Variants in CNTNAP2 observed in about 807,000 individuals in gnomAD.
CNTNAP2 encodes contactin associated protein 2, also known as contactin-associated protein-like 2.
In CNTNAP2, 98 loss-of-function variants were observed where a neutral mutation model predicts 155.2. The ratio of observed to expected loss-of-function variants is 0.63; its 90% CI spans 0.54 to 0.75. CNTNAP2 has a LOEUF of 0.75. Ranked by LOEUF, CNTNAP2 falls within the 30% of genes least tolerant of loss-of-function variation. The probability of loss-of-function intolerance (pLI) is 0.00; values close to 1 mark genes in which losing one functional copy is unlikely to be tolerated. For missense variants in CNTNAP2, 1,727 were observed against 1,688.1 expected, an observed-to-expected ratio of 1.02 and a Z score of -0.40; for synonymous variants, 651 against 631.2, an observed-to-expected ratio of 1.03 and a Z score of -0.47.
intron 1 of CNTNAP2, among the ~76,000 whole-genome samples, chr7:146,383,561 TAG>T (rs1795420465): frequency 6.6e-6 from 1 of 152,218 alleles, no homozygotes; most frequent in African/African-American, 2.4e-5. Flanking sequence ...TAATTTAATA[TAG>T]ATTCACTTTT....
chr7:146,227,875 G>A (rs1267460729), intron 1 of CNTNAP2, among the ~76,000 whole-genome samples: 2 of 152,156 alleles, frequency 1.3e-5, no homozygotes, highest in African/African-American at 2.4e-5. Flanking sequence ...TGAAGGAGAG[G>A]TTGGCTGTGG....
intron 15 of CNTNAP2, among the ~76,000 whole-genome samples, chr7:148,030,745 T>C (rs1802462658): frequency 6.6e-6 from 1 of 151,734 alleles, no homozygotes; most frequent in African/African-American, 2.4e-5. Flanking sequence ...TATTTTCATT[T>C]AGATGAAGTT....
chr7:148,058,092 A>C (rs1394907700), intron 15 of CNTNAP2, among the ~76,000 whole-genome samples: 3 of 152,044 alleles, frequency 2.0e-5, no homozygotes, highest in East Asian at 3.9e-4. Flanking sequence ...TACTTAAAAC[A>C]AAAACTAGCT....
intron 14 of CNTNAP2, among the ~76,000 whole-genome samples, chr7:147,916,570 A>C (rs1239045470): frequency 3.6e-5 from 5 of 140,198 alleles, no homozygotes; most frequent in Non-Finnish European, 7.6e-5. Flanking sequence ...CAGAACTAAG[A>C]TTCAAAAGAG....
chr7:147,138,818 A>C (rs1249496633), intron 8 of CNTNAP2, among the ~76,000 whole-genome samples: 3 of 152,036 alleles, frequency 2.0e-5, no homozygotes, highest in Non-Finnish European at 4.4e-5. Flanking sequence ...GATGAATAAA[A>C]CATGTTGTGT....
intron 3 of CNTNAP2, among the ~76,000 whole-genome samples, chr7:146,987,769 G>A (rs1054691990): frequency 3.9e-5 from 6 of 152,114 alleles, no homozygotes; most frequent in Admixed American, 6.5e-5. Flanking sequence ...CAAGTGGAAA[G>A]TTACTTAACA....
intron 21 of CNTNAP2, among the ~76,000 whole-genome samples, chr7:148,269,285 TG>T (rs1271590736): frequency 4.6e-5 from 7 of 152,270 alleles, no homozygotes; most frequent in African/African-American, 1.7e-4. Context: ...AAATAGCTTC[TG>T]CTTAATCCTT....
chr7:146,352,990 G>A (rs776704014), intron 1 of CNTNAP2, among the ~76,000 whole-genome samples: 48 of 151,978 alleles, frequency 3.2e-4, no homozygotes, highest in Non-Finnish European at 4.6e-4. Flanking sequence ...TCCTGACCTC[G>A]TGATCTGCCC....
chr7:148,271,816 A>C (rs766998970), intron 21 of CNTNAP2, among the ~76,000 whole-genome samples: 3 of 152,162 alleles, frequency 2.0e-5, no homozygotes, highest in Non-Finnish European at 4.4e-5. Context: ...ACCCATTTGC[A>C]TTCCCCAGTT....
At chr7:146,629,264 C>G (rs538008673) in intron 1 of CNTNAP2, among the ~76,000 whole-genome samples, 14 of 152,222 alleles carry the variant, frequency 9.2e-5, no homozygotes, top group African/African-American at 2.9e-4. Context: ...CATAGAATTA[C>G]ATACTATTTA....
chr7:147,821,983 G>A lies in CNTNAP2; in HGVS notation c.2099-81582G>A, dbSNP rs1170850978. On this transcript the variant is annotated intron_variant, in intron 13 of 23. Transcript: ENST00000361727. ...TGGCAGTGAGAAAGGAAGAAAATCA[G>A]AAGTTACATCACATAAGCCAAGAAA... Among the ~76,000 whole-genome samples, 2 of 152,200 alleles carry A rather than the reference G, an allele frequency of 1.3e-5. 1 individual carries two copies. The highest frequency in any genetic ancestry group is 4.1e-4 in the South Asian group (2 of 4,824).
At chr7:146,163,962 C>T (rs1242438878) in intron 1 of CNTNAP2, among the ~76,000 whole-genome samples, 2 of 152,096 alleles carry the variant, frequency 1.3e-5, no homozygotes, top group African/African-American at 2.4e-5. Flanking sequence ...TTTACCCCAG[C>T]CTGTGACAAG....
intron 21 of CNTNAP2, among the ~76,000 whole-genome samples, chr7:148,317,705 T>G (rs1797714972): frequency 6.6e-6 from 1 of 152,078 alleles, no homozygotes; most frequent in Admixed American, 6.6e-5. Context: ...CTGAGCTCAT[T>G]TCTTTTTTTT....
At chr7:146,546,330 T>C (rs1798028783) in intron 1 of CNTNAP2, among the ~76,000 whole-genome samples, 1 of 151,950 alleles carries the variant, frequency 6.6e-6, no homozygotes, top group South Asian at 2.1e-4. Context: ...ATTCAAGTTT[T>C]CTAGAATGCA....
chr7:147,788,900 CTTTTTTTTTTTTTTT>C, intron 13 of CNTNAP2, among the ~76,000 whole-genome samples: 1 of 100,744 alleles, frequency 9.9e-6, no homozygotes, highest in East Asian at 2.6e-4. Context: ...TTTTCTTTTT[CTTTTTTTTTTTTTTT>C]TTTTTTTGAG....
intron 13 of CNTNAP2, among the ~76,000 whole-genome samples, chr7:147,847,975 C>G (rs1397796418): frequency 5.3e-5 from 7 of 131,804 alleles, no homozygotes; most frequent in Non-Finnish European, 9.9e-5. Context: ...CAGCTGCGTG[C>G]TGGGAGAACC....
intron 13 of CNTNAP2, among the ~76,000 whole-genome samples, chr7:147,885,952 T>C (rs10281336): frequency 0.039 from 6,009 of 152,230 alleles, 373 homozygotes; most frequent in African/African-American, 0.14. Flanking sequence ...GAACAAATAC[T>C]AGTGGCTGTG....
intron 3 of CNTNAP2, among the ~76,000 whole-genome samples, chr7:146,858,067 G>A (rs1795026746): frequency 1.3e-5 from 2 of 152,152 alleles, no homozygotes; most frequent in Non-Finnish European, 2.9e-5. Context: ...CAAAACATAT[G>A]TAGGAAAAGG....
intron 1 of CNTNAP2, among the ~76,000 whole-genome samples, chr7:146,133,623 T>C (rs1797751550): frequency 6.6e-6 from 1 of 152,146 alleles, no homozygotes; most frequent in Admixed American, 6.5e-5. Flanking sequence ...GTTTCAGCTT[T>C]CTACATATGG....
Sources: allele counts gnomAD v4.1 joint callset (sites outside exome capture counted in the v4.1 genomes callset), GRCh38; gene constraint gnomAD v4.1.1; transcripts MANE v1.5; gene names NCBI Gene and HGNC (gene_info 2026-07-23, HGNC 2026-07-21).